The following ERCC6L2 variants were observed in gnomAD, a reference collection of about 807,000 sequenced individuals.
ERCC6L2 encodes the protein ERCC excision repair 6 like 2.
Under a neutral mutation model 132.0 loss-of-function variants are expected in ERCC6L2, and 77 were observed. The ratio of observed to expected loss-of-function variants is 0.58; its 90% CI spans 0.49 to 0.71. ERCC6L2 has a LOEUF of 0.71. Among genes scored for constraint, ERCC6L2 ranks in the 30% least tolerant of loss-of-function variants. ERCC6L2 has a pLI of 0.00. For synonymous variants in ERCC6L2, 583 were observed against 632.4 expected, an observed-to-expected ratio of 0.92 and a Z score of 1.17; for missense variants, 1,542 against 1,837.6, an observed-to-expected ratio of 0.84 and a Z score of 2.94.
chr9:95,883,209 C>T (rs1326849070), intron 2 of ERCC6L2, among the ~76,000 whole-genome samples: 1 of 152,288 alleles, frequency 6.6e-6, no homozygotes, highest in East Asian at 1.9e-4. Flanking sequence ...CTCCCAACTT[C>T]CTGTTTTCCC....
Position 95,978,094 on chromosome 9 carries a change from A to G in ERCC6L2, c.3371A>G (p.Asn1124Ser). 1.5e-6 allele frequency: 2 copies of G among 1,367,298 alleles called. No individual in the cohort carries two copies. The highest frequency in any genetic ancestry group is 2.0e-6 in the Non-Finnish European group (2 of 1,021,708). The allele number at this position is 1,367,298 out of a possible 1,614,324, so 84.7% of individuals were successfully genotyped here. A position where few individuals can be genotyped will look rare whatever the true frequency, so the allele number is the denominator to read the frequency against. ...GVQEVAYIHS[N>S]QNVIGSSKAE... is the part of the protein sequence containing the mutation. ...CAGGAAGTGGCTTATATTCACTCAA[A>G]CCAGAATGTAATTGGATCGAGCAAA... Residue 1124 changes from asparagine to serine, a missense_variant, in exon 17 of 19, where the codon AAC becomes AGC. Physicochemically the swap from Asn to Ser is conservative, Grantham distance 46. Coordinates refer to ENST00000653738, the MANE Select transcript of ERCC6L2 (RefSeq NM_020207.7).
At chr9:95,877,041 T>C (rs1490627944) in intron 1 of ERCC6L2, 2 of 152,198 alleles carry the variant, frequency 1.3e-5, no homozygotes, top group African/African-American at 4.8e-5. Context: ...GGGAACACCC[T>C]TGAGGAATGC....
At chr9:95,982,921 G>A (rs983941921) in intron 17 of ERCC6L2, among the ~76,000 whole-genome samples, 2 of 152,116 alleles carry the variant, frequency 1.3e-5, no homozygotes, top group African/African-American at 4.8e-5. Flanking sequence ...TGGAGGCTAC[G>A]AGAAGCTGTG....
rs147009614 is a variant in ERCC6L2 at position 95,993,294 on chromosome 9, G to A, written c.3493-11226G>A. Among the ~76,000 whole-genome samples the A allele has an allele frequency of 1.8e-4, 27 of 152,316 alleles. No homozygotes were observed. In the East Asian group the frequency reaches 5.0e-3, roughly 28 times the overall value. On this transcript the variant is annotated intron_variant, in intron 17 of 18. Transcript: ENST00000653738. ...AGTGCTCAGACTGCTATCTGGAAAG[G>A]CTTCTATCCTGCTCTAGCCTTTGTA... is the stretch of plus-strand genomic sequence containing the variant.
chr9:96,040,351 T>C (rs1834564884), intron 20 of ERCC6L2, among the ~76,000 whole-genome samples: 1 of 152,196 alleles, frequency 6.6e-6, no homozygotes, highest in African/African-American at 2.4e-5. Context: ...CTGCTTTCTC[T>C]GGGTCTAGCT....
chr9:95,963,242 G>A (rs185065090), intron 13 of ERCC6L2, among the ~76,000 whole-genome samples: 16 of 151,736 alleles, frequency 1.1e-4, no homozygotes, highest in Non-Finnish European at 1.8e-4. Flanking sequence ...CCCCCAGTTA[G>A]CTTCACTCAA....
chr9:95,898,004 T>C lies in ERCC6L2; in HGVS notation c.594+33T>C, dbSNP rs375183638. ...CTCTAGACAATGTATATTCTACTCA[T>C]GATGCTGGTATTACAAAAGCATATA... On this transcript the variant is annotated intron_variant, in intron 3 of 18. Coordinates refer to ENST00000653738, the MANE Select transcript of ERCC6L2 (RefSeq NM_020207.7). The C allele has an allele frequency of 3.2e-6, 5 of 1,558,796 alleles. No individual in the cohort carries two copies. In the African/African-American group the frequency reaches 5.5e-5, roughly 17 times the overall value.
chr9:95,995,687 C>CTT (rs766104132), intron 17 of ERCC6L2, among the ~76,000 whole-genome samples: 4 of 152,184 alleles, frequency 2.6e-5, no homozygotes, highest in African/African-American at 9.7e-5. Context: ...CTTTGTGTCT[C>CTT]TGAGTCACAT....
At chr9:95,977,108 GTAGT>G (rs1368898073) in intron 16 of ERCC6L2, among the ~76,000 whole-genome samples, 1 of 152,096 alleles carries the variant, frequency 6.6e-6, no homozygotes, top group Non-Finnish European at 1.5e-5. Flanking sequence ...AAAGGTGTCA[GTAGT>G]TAATTTGGAA....
chr9:96,000,972 C>T (rs918016006), intron 17 of ERCC6L2, among the ~76,000 whole-genome samples: 1 of 151,990 alleles, frequency 6.6e-6, no homozygotes, highest in Non-Finnish European at 1.5e-5. Flanking sequence ...TTCTGATGTT[C>T]AGATGTGTTC....
intron 17 of ERCC6L2, among the ~76,000 whole-genome samples, chr9:95,994,072 C>T (rs920076780): frequency 1.3e-5 from 2 of 152,178 alleles, no homozygotes; most frequent in African/African-American, 4.8e-5. Context: ...TATCTCCAGG[C>T]ACAAACCTTG....
Position 95,928,081 on chromosome 9 carries a change from C to T in ERCC6L2, c.1536C>T (p.Val512=), listed in dbSNP as rs748037736. 5 of 1,611,680 alleles carry T rather than the reference C, an allele frequency of 3.1e-6. No individual in the cohort carries two copies. Among genetic ancestry groups the T allele is most frequent in the Non-Finnish European group, 4.2e-6 (5 of 1,178,376 alleles). ...SDPKYSGKMK[V]LQQLLNHCRK... The stretch of plus-strand genomic sequence containing the variant: ...GATTTTCTGTGGTTCATTTTCAGGT[C>T]CTTCAGCAGCTTTTAAATCATTGCA... The change falls in exon 10 of 19, where the codon GTC becomes GTT. Residue 512 remains valine, a splice_region_variant and synonymous_variant. Transcript: ENST00000653738.
intron 12 of ERCC6L2, among the ~76,000 whole-genome samples, chr9:95,948,783 A>G (rs983181458): frequency 1.3e-5 from 2 of 148,812 alleles, no homozygotes; most frequent in Admixed American, 6.7e-5. Context: ...AAAGACCACA[A>G]GACATTAGAA....
chr9:95,973,222 T>C lies in ERCC6L2; in HGVS notation c.3337+134T>C, dbSNP rs979721283. Reference sequence around the variant, plus strand: ...GCATTGAGGCACAAATAAGGAACGGTTGGGTAGCAGGATAAATGGGAGACC... The same window carrying C: ...GCATTGAGGCACAAATAAGGAACGGCTGGGTAGCAGGATAAATGGGAGACC... On this transcript the variant is annotated intron_variant, in intron 16 of 18. Coordinates refer to ENST00000653738, the MANE Select transcript of ERCC6L2 (RefSeq NM_020207.7). 6.6e-5 allele frequency: 35 copies of C among 530,082 alleles called. No homozygotes were observed. The East Asian group carries it at 9.9e-4, about 15-fold the overall frequency. 32.8% of individuals were successfully genotyped at this position (530,082 alleles called of 1,614,324 possible).
intron 19 of ERCC6L2, chr9:96,038,834 C>A: frequency 2.2e-6 from 1 of 456,184 alleles, no homozygotes; most frequent in Non-Finnish European, 4.4e-6. Context: ...TTTTAATGAA[C>A]AAAATGTAGC....
chr9:95,907,857 C>CAAACACACACACACACACA, intron 4 of ERCC6L2, among the ~76,000 whole-genome samples: 12 of 133,740 alleles, frequency 9.0e-5, no homozygotes, highest in East Asian at 2.4e-4. Flanking sequence ...ACACACACAC[C>CAAACACACACACACACACA]CCCACACCCA....
chr9:95,963,727 T>C (rs1041964701), intron 13 of ERCC6L2, among the ~76,000 whole-genome samples: 1 of 152,128 alleles, frequency 6.6e-6, no homozygotes, highest in Non-Finnish European at 1.5e-5. Context: ...ATCCAGGCTT[T>C]GTCTTTCAAG....
chr9:95,923,549 C>T (rs769955109), intron 9 of ERCC6L2, among the ~76,000 whole-genome samples, 170 bp downstream of exon 9: 36 of 152,094 alleles, frequency 2.4e-4, no homozygotes, highest in African/African-American at 8.2e-4. Flanking sequence ...CTATGAACCC[C>T]GAATACAGAT....
chr9:95,970,749 T>G, intron 15 of ERCC6L2, 93 bp downstream of exon 15: 2 of 868,606 alleles, frequency 2.3e-6, no homozygotes, highest in Non-Finnish European at 3.0e-6. Flanking sequence ...TTTTATAACC[T>G]GTAAAAAAAA....
Sources: allele counts gnomAD v4.1 joint callset (sites outside exome capture counted in the v4.1 genomes callset), GRCh38; gene constraint gnomAD v4.1.1; transcripts MANE v1.5; gene names NCBI Gene and HGNC (gene_info 2026-07-23, HGNC 2026-07-21).